LMNTD2: variants seen among roughly 807,000 people sequenced by gnomAD.
LMNTD2 encodes lamin tail domain containing 2.
A neutral mutation model predicts 70.1 loss-of-function variants in LMNTD2; 83 were observed. The ratio of observed to expected loss-of-function variants is 1.18; its 90% CI spans 0.99 to 1.42. The LOEUF is 1.42. Ranked by LOEUF, LMNTD2 falls within the 40% of genes most tolerant of loss-of-function variation. The pLI, the probability that LMNTD2 is intolerant of heterozygous loss-of-function variation, is 0.00. For synonymous variants in LMNTD2, 534 were observed against 406.1 expected (o/e 1.31, Z -3.79); for missense variants, 1,153 against 905.9 (o/e 1.27, Z -3.50).
In LMNTD2 at chr11:560,738, C is replaced by G. The variant is rs1441301157; in HGVS notation, c.-22G>C. Reference sequence around the variant, plus strand: ...GCATTTCCGCGTTTTTCGCGGTAGGCGGGAGGTGGGGGCGGGGACTGCGGC... The same window carrying G: ...GCATTTCCGCGTTTTTCGCGGTAGGGGGGAGGTGGGGGCGGGGACTGCGGC... On this transcript the variant is annotated 5_prime_UTR_variant, in exon 1 of 14. Transcript: ENST00000329451. The G allele has an allele frequency of 7.3e-7, 1 of 1,377,874 alleles. No homozygotes were observed. Among genetic ancestry groups the G allele is most frequent in the Non-Finnish European group, 9.5e-7 (1 of 1,057,114 alleles). The allele number at this position is 1,377,874 out of a possible 1,614,324, so 85.4% of individuals were successfully genotyped here. A position where few individuals can be genotyped will look rare whatever the true frequency, so the allele number is the denominator to read the frequency against.
rs1399891268 is a variant in LMNTD2 at position 558,782 on chromosome 11, A to C, written c.159-16T>G. ...AAGAGCCAACCTGCAGCGGCAGCAG[A>C]CCCTGCTGCTTACTCAGGCCGGCCC... On this transcript the variant is annotated splice_polypyrimidine_tract_variant and intron_variant, in intron 2 of 13. Transcript: ENST00000329451. 6.2e-7 allele frequency: 1 copy of C among 1,601,974 alleles called. No homozygotes were observed. Among genetic ancestry groups the C allele is most frequent in the Non-Finnish European group, 8.5e-7 (1 of 1,171,774 alleles).
chr11:559,222 G>A (rs1853119908), intron 1 of LMNTD2: 6 of 1,485,130 alleles, frequency 4.0e-6, no homozygotes, highest in Non-Finnish European at 5.4e-6. Flanking sequence ...GGCGCAGCAG[G>A]TCACCACCCG....
chr11:557,132 C>T (rs1454486968), intron 7 of LMNTD2, 35 bp from the exon 8 acceptor site: 1 of 1,546,132 alleles, frequency 6.5e-7, no homozygotes, highest in African/African-American at 1.4e-5. Context: ...GCCACTCCAG[C>T]TCCAGACCCC....
In LMNTD2 at chr11:556,349, ACAGCCACGATCTT is replaced by A. The variant is rs1852871882; in HGVS notation, c.1087_1099del (p.Lys363Ter). The A allele has an allele frequency of 4.6e-6, 7 of 1,535,970 alleles. No homozygotes were observed. Among genetic ancestry groups the A allele is most frequent in the Non-Finnish European group, 6.1e-6 (7 of 1,146,364 alleles). ...GCGGACGAACTTCTCCCGGCAGCTC[ACAGCCACGATCTT>A]CAGGCCTGTCGGGCTGGGAAGAGAG... is the stretch of plus-strand genomic sequence containing the variant. On this transcript the variant is annotated frameshift_variant, in exon 10 of 14. Transcript: ENST00000329451. LOFTEE classifies it high-confidence loss of function.
rs1021721577 is a variant in LMNTD2 at position 559,280 on chromosome 11, CTGTGA to C, written c.35-306_35-302del. The C allele has an allele frequency of 1.4e-5, 21 of 1,471,058 alleles. No homozygotes were observed. The African/African-American group carries it at 2.7e-4, about 19-fold the overall frequency. The allele number at this position is 1,471,058 out of a possible 1,614,324, so 91.1% of individuals were successfully genotyped here. A position where few individuals can be genotyped will look rare whatever the true frequency, so the allele number is the denominator to read the frequency against. ...TGCCACCCAGGTGCTGGCCCTTTGC[CTGTGA>C]TGTGGTGTCCCTCTTTCTCTCTCTT... On this transcript the variant is annotated intron_variant, in intron 1 of 13. Coordinates refer to ENST00000329451, the MANE Select transcript of LMNTD2 (RefSeq NM_173573.3).
At position 560,669 on chromosome 11, in the gene LMNTD2, G is replaced by A. The variant is rs995360107; in HGVS notation, c.34+14C>T. On this transcript the variant is annotated intron_variant, in intron 1 of 13. Transcript: ENST00000329451. ...GCTGAGGAAGTCGGCCCAGGAGCGG[G>A]GCCAGACACCTACCCCGACGCCTGC... 2 of 1,432,098 alleles carry A rather than the reference G, an allele frequency of 1.4e-6. No individual in the cohort carries two copies. Among genetic ancestry groups the A allele is most frequent in the African/African-American group, 1.5e-5 (1 of 67,148 alleles). The allele number at this position is 1,432,098 out of a possible 1,614,324, so 88.7% of individuals were successfully genotyped here. A position where few individuals can be genotyped will look rare whatever the true frequency, so the allele number is the denominator to read the frequency against.
intron 5 of LMNTD2, 86 bp from the exon 6 acceptor site, chr11:557,726 G>A (rs925280531): frequency 2.5e-6 from 4 of 1,600,202 alleles, no homozygotes; most frequent in Non-Finnish European, 2.6e-6. Context: ...TGTGCTTTGA[G>A]GCCTCCTGAT....
chr11:557,539 T>C (rs750748414), intron 6 of LMNTD2, 33 bp downstream of exon 6: 12 of 1,613,302 alleles, frequency 7.4e-6, no homozygotes, highest in Non-Finnish European at 9.3e-6. Flanking sequence ...GGGCTCCAGA[T>C]ACCAGACCAC....
Position 555,886 on chromosome 11 carries a change from C to G in LMNTD2, c.1422G>C (p.Pro474=), listed in dbSNP as rs772876961. ...HRIPRRETPA[P]RVFADGTDLS... The stretch of plus-strand genomic sequence containing the variant: ...AGTCGGTGCCGTCGGCGAAGACCCT[C>G]GGGGCCGGAGTCTCGCGGCGTGGGA... Residue 474 remains proline (P), a synonymous_variant, in exon 12 of 14, where the codon CCG becomes CCC. Transcript: ENST00000329451. 2.6e-6 allele frequency: 4 copies of G among 1,565,688 alleles called. No homozygotes were observed. Among genetic ancestry groups the G allele is most frequent in the African/African-American group, 1.4e-5 (1 of 70,420 alleles).
Position 558,997 on chromosome 11 carries a change from G to T in LMNTD2, c.35-18C>A, listed in dbSNP as rs1270615405. On this transcript the variant is annotated intron_variant, in intron 1 of 13. Transcript: ENST00000329451. ...CTCTTGCTCTGTGGGGGACAGGAGA[G>T]CCTCTTCCTCGGTTTCTTCAACCTC... is the stretch of plus-strand genomic sequence containing the variant. 1 of 1,595,956 alleles carries T rather than the reference G, an allele frequency of 6.3e-7. No individual in the cohort carries two copies.
intron 1 of LMNTD2, chr11:559,212 G>T: frequency 1.3e-6 from 2 of 1,481,828 alleles, no homozygotes; most frequent in Non-Finnish European, 1.8e-6. Context: ...TGACCAGGCT[G>T]GCGCAGCAGG....
Position 560,725 on chromosome 11 carries a change from TTTTCGCGG to T in LMNTD2, c.-17_-10del. 1 of 1,432,698 alleles carries T rather than the reference TTTTCGCGG, an allele frequency of 7.0e-7. No homozygotes were observed. The highest frequency in any genetic ancestry group is 3.1e-5 in the East Asian group (1 of 32,718). The allele number at this position is 1,432,698 out of a possible 1,614,324, so 88.7% of individuals were successfully genotyped here. On this transcript the variant is annotated 5_prime_UTR_variant, in exon 1 of 14. Coordinates refer to ENST00000329451, the MANE Select transcript of LMNTD2 (RefSeq NM_173573.3). ...GGCCGCAGCCACCGCATTTCCGCGT[TTTTCGCGG>T]TAGGCGGGAGGTGGGGGCGGGGACT...
chr11:559,310 T>C (rs71469807), intron 1 of LMNTD2: 22 of 1,403,366 alleles, frequency 1.6e-5, no homozygotes, highest in Middle Eastern at 1.9e-4. Flanking sequence ...TTCTCTCTCT[T>C]GTCCCCCCAG....
chr11:555,364 G>A lies in LMNTD2; in HGVS notation c.1714C>T (p.Pro572Ser). The change falls in exon 13 of 14, where the codon CCC (proline) becomes TCC (serine). Residue 572 changes from proline to serine, a missense_variant. By Grantham distance (74) the Pro-to-Ser change is moderately conservative. Coordinates refer to ENST00000329451, the MANE Select transcript of LMNTD2 (RefSeq NM_173573.3). ...TCCAGGCCCAGCCCGGCCTCTGCGG[G>A]AGGCGACGGCAGGGTGGGGTCACCC... ...IPGDPTLPSP[P>S]AEAGLGLEDC... is the part of the protein sequence containing the mutation. 1 of 1,421,302 alleles carries A rather than the reference G, an allele frequency of 7.0e-7. No homozygotes were observed. The highest frequency in any genetic ancestry group is 2.9e-5 in the East Asian group (1 of 35,000). The allele number at this position is 1,421,302 out of a possible 1,614,324, so 88.0% of individuals were successfully genotyped here. A position where few individuals can be genotyped will look rare whatever the true frequency, so the allele number is the denominator to read the frequency against.
In LMNTD2 at chr11:555,934, C is replaced by G; in HGVS notation, c.1378-4G>C. On this transcript the variant is annotated splice_polypyrimidine_tract_variant and splice_region_variant and intron_variant, in intron 11 of 13. Transcript: ENST00000329451. ...GGATCCGGTGCTCACTGAGGACCTG[C>G]GGGGCGCGTCGGTCACCCCCACACC... 1.3e-6 allele frequency: 2 copies of G among 1,555,502 alleles called. No homozygotes were observed. The highest frequency in any genetic ancestry group is 2.6e-5 in the East Asian group (1 of 38,344).
chr11:556,395 T>C lies in LMNTD2; in HGVS notation c.1074-20A>G, dbSNP rs1486831422. The C allele has an allele frequency of 2.6e-6, 4 of 1,538,504 alleles. No individual in the cohort carries two copies. The highest frequency in any genetic ancestry group is 1.7e-4 in the Middle Eastern group (1 of 5,964). On this transcript the variant is annotated intron_variant, in intron 9 of 13. Coordinates refer to ENST00000329451, the MANE Select transcript of LMNTD2 (RefSeq NM_173573.3). ...GTCGGGCTGGGAAGAGAGGAGACGC[T>C]GTGAGGAGATGCGGCCGGTCCACCC... is the stretch of plus-strand genomic sequence containing the variant.
In LMNTD2 at chr11:555,446, C is replaced by T. The variant is rs765811023; in HGVS notation, c.1632G>A (p.Gly544=). 4.8e-5 allele frequency: 66 copies of T among 1,382,054 alleles called. No homozygotes were observed. The highest frequency in any genetic ancestry group is 5.7e-5 in the Non-Finnish European group (61 of 1,074,306). The allele number at this position is 1,382,054 out of a possible 1,614,324, so 85.6% of individuals were successfully genotyped here. Residue 544 remains glycine, a synonymous_variant, in exon 13 of 14, where the codon GGG becomes GGA. Coordinates refer to ENST00000329451, the MANE Select transcript of LMNTD2 (RefSeq NM_173573.3). ...SSGKLFHARE[G]PARPENPEIP... Reference sequence around the variant, plus strand: ...TCTCGGGGTTCTCGGGCCGCGCAGGCCCCTCCCGCGCGTGGAAGAGCTTCC... The same window carrying T: ...TCTCGGGGTTCTCGGGCCGCGCAGGTCCCTCCCGCGCGTGGAAGAGCTTCC...
chr11:555,253 G>GGA, intron 13 of LMNTD2, 52 bp downstream of exon 13: 1 of 1,292,656 alleles, frequency 7.7e-7, no homozygotes, highest in Non-Finnish European at 9.9e-7. Context: ...GGAGAGGAGA[G>GGA]GAGGAGAACG....
chr11:560,382 CCGGGCCTTCTGAG>C (rs1296064987), intron 1 of LMNTD2: 1 of 1,205,486 alleles, frequency 8.3e-7, no homozygotes, highest in African/African-American at 1.6e-5. Context: ...CAGCTAGAGT[CCGGGCCTTCTGAG>C]CGGGCACCTC....
Sources: gnomAD v4.1 joint callset for allele counts on GRCh38, gnomAD v4.1.1 for gene constraint, MANE v1.5 for transcripts, NCBI Gene and HGNC (gene_info 2026-07-23, HGNC 2026-07-21) for gene names.